Variants in CD2AP observed in about 807,000 individuals in gnomAD.
CD2AP encodes the protein CD2 associated protein.
In CD2AP, 46 loss-of-function variants were observed where a neutral mutation model predicts 85.1. The observed-to-expected ratio is 0.54, with a 90% confidence interval of 0.43 to 0.69. The LOEUF is 0.69. CD2AP is among the 30% of genes least tolerant of loss of function. CD2AP has a pLI of 0.00. For missense variants in CD2AP, 769 were observed against 729.5 expected, an observed-to-expected ratio of 1.05 and a Z score of -0.62; for synonymous variants, 255 against 252.9, an observed-to-expected ratio of 1.01 and a Z score of -0.08.
chr6:47,539,683 A>G (rs1767154467), intron 3 of CD2AP, among the ~76,000 whole-genome samples: 1 of 152,030 alleles, frequency 6.6e-6, no homozygotes, highest in Non-Finnish European at 1.5e-5. Context: ...AGTGAGTGTT[A>G]ATGCTTTGTT....
chr6:47,478,358 A>G, intron 1 of CD2AP, 110 bp downstream of exon 1: 1 of 1,254,072 alleles, frequency 8.0e-7, no homozygotes, highest in East Asian at 2.5e-5. Context: ...CCTGAGCGGC[A>G]GCACCCCACC....
In CD2AP at chr6:47,478,315, C is replaced by T; in HGVS notation, c.4+67C>T. On this transcript the variant is annotated intron_variant, in intron 1 of 17. Coordinates refer to ENST00000359314, the MANE Select transcript of CD2AP (RefSeq NM_012120.3). Reference sequence around the variant, plus strand: ...CAGACCCGGGGAGGCTGTGCCCTTTCTCGGCCTTCTGGGGAGGCGACTGCG... The same window carrying T: ...CAGACCCGGGGAGGCTGTGCCCTTTTTCGGCCTTCTGGGGAGGCGACTGCG... The T allele has an allele frequency of 3.9e-6, 6 of 1,548,294 alleles. No individual in the cohort carries two copies. The South Asian group carries it at 5.9e-5, about 15-fold the overall frequency.
chr6:47,574,049 A>C lies in CD2AP; in HGVS notation c.542-15A>C. 1 of 1,612,926 alleles carries C rather than the reference A, an allele frequency of 6.2e-7. No individual in the cohort carries two copies. Among genetic ancestry groups the C allele is most frequent in the Non-Finnish European group, 8.5e-7 (1 of 1,178,944 alleles). On this transcript the variant is annotated splice_polypyrimidine_tract_variant and intron_variant, in intron 5 of 17. Coordinates refer to ENST00000359314, the MANE Select transcript of CD2AP (RefSeq NM_012120.3). Reference sequence around the variant, plus strand: ...ATTCTAGGTGTCATTCTTCAAAAACAAATTATTGTTTCAGAAACTGTTTTG... The same window carrying C: ...ATTCTAGGTGTCATTCTTCAAAAACCAATTATTGTTTCAGAAACTGTTTTG...
intron 3 of CD2AP, among the ~76,000 whole-genome samples, chr6:47,542,344 A>G (rs1767237191): frequency 6.6e-6 from 1 of 152,242 alleles, no homozygotes; most frequent in Non-Finnish European, 1.5e-5. Context: ...ATGATGCCAT[A>G]TAGTTAGACC....
intron 4 of CD2AP, among the ~76,000 whole-genome samples, chr6:47,550,575 C>A (rs929278639): frequency 6.6e-6 from 1 of 151,960 alleles, no homozygotes; most frequent in Non-Finnish European, 1.5e-5. Flanking sequence ...GGGAACAGTT[C>A]TATACTTCTG....
intron 3 of CD2AP, among the ~76,000 whole-genome samples, chr6:47,536,738 CAGAGA>C (rs1029632142): frequency 6.6e-6 from 1 of 152,126 alleles, no homozygotes; most frequent in Non-Finnish European, 1.5e-5. Context: ...TTGCTAAAGT[CAGAGA>C]AGAGAACAAA....
chr6:47,543,688 T>G (rs1490798018), intron 3 of CD2AP, among the ~76,000 whole-genome samples: 1 of 152,204 alleles, frequency 6.6e-6, no homozygotes, highest in Admixed American at 6.5e-5. Flanking sequence ...TAGTCCTATC[T>G]CATTAGGGTG....
chr6:47,595,825 G>T, intron 11 of CD2AP, 36 bp from the exon 12 acceptor site: 1 of 1,570,510 alleles, frequency 6.4e-7, no homozygotes, highest in South Asian at 1.1e-5. Flanking sequence ...AAATAATTTT[G>T]ATTGTTAATA....
At chr6:47,566,776 C>T (rs1768014664) in intron 5 of CD2AP, among the ~76,000 whole-genome samples, 1 of 152,192 alleles carries the variant, frequency 6.6e-6, no homozygotes, top group East Asian at 1.9e-4. Context: ...CATCCATGTC[C>T]CTGCAGAGGA....
intron 2 of CD2AP, 49 bp downstream of exon 2, chr6:47,503,489 C>T (rs1169567655): frequency 6.9e-7 from 1 of 1,443,676 alleles, no homozygotes; most frequent in East Asian, 2.3e-5. Context: ...AGGATTTAAT[C>T]TTTAAATGTT....
At chr6:47,539,880 G>A (rs908274264) in intron 3 of CD2AP, among the ~76,000 whole-genome samples, 1 of 151,970 alleles carries the variant, frequency 6.6e-6, no homozygotes, top group Non-Finnish European at 1.5e-5. Context: ...GGTTACTTAT[G>A]ATAAGAAAAT....
intron 2 of CD2AP, among the ~76,000 whole-genome samples, chr6:47,507,342 A>T (rs1042912536): frequency 6.6e-6 from 1 of 152,166 alleles, no homozygotes; most frequent in Non-Finnish European, 1.5e-5. Context: ...AGCTCCTCTC[A>T]TGAATCACAG....
At chr6:47,536,679 A>C (rs1767056786) in intron 3 of CD2AP, among the ~76,000 whole-genome samples, 1 of 152,160 alleles carries the variant, frequency 6.6e-6, no homozygotes, top group Non-Finnish European at 1.5e-5. Context: ...AATTTTTTTT[A>C]GAGCAAACAT....
chr6:47,601,098 A>T (rs980074286), intron 13 of CD2AP, among the ~76,000 whole-genome samples: 6 of 151,822 alleles, frequency 4.0e-5, no homozygotes, highest in African/African-American at 1.4e-4. Context: ...AACTTTTCCT[A>T]TATAGTGTCA....
At chr6:47,598,171 A>G (rs966431522) in intron 12 of CD2AP, among the ~76,000 whole-genome samples, 2 of 151,190 alleles carry the variant, frequency 1.3e-5, no homozygotes, top group Non-Finnish European at 3.0e-5. Context: ...ACTAGTTACC[A>G]GGGAATACAA....
At chr6:47,617,983 C>T (rs1769639618) in intron 17 of CD2AP, among the ~76,000 whole-genome samples, 1 of 151,794 alleles carries the variant, frequency 6.6e-6, no homozygotes, top group Admixed American at 6.6e-5. Flanking sequence ...CCTGCTCAAA[C>T]AATTACCTTC....
intron 2 of CD2AP, among the ~76,000 whole-genome samples, chr6:47,511,106 A>G (rs1024282563): frequency 8.9e-6 from 1 of 112,574 alleles, no homozygotes; most frequent in South Asian, 3.2e-4. Context: ...AAAAAGGAAT[A>G]GATGGACAGG....
chr6:47,575,141 A>G lies in CD2AP; in HGVS notation c.729+890A>G, dbSNP rs181930384. Among the ~76,000 whole-genome samples the G allele has an allele frequency of 1.7e-3, 256 of 152,286 alleles. 1 individual carries two copies. The highest frequency in any genetic ancestry group is 3.4e-3 in the Middle Eastern group (1 of 294). On this transcript the variant is annotated intron_variant, in intron 6 of 17. Coordinates refer to ENST00000359314, the MANE Select transcript of CD2AP (RefSeq NM_012120.3). ...AGAGAACTTCCACTTTCTATCCTAC[A>G]TATTCCTAGCTCTGAGACTATCTGG...
At chr6:47,619,230 C>G (rs192318149) in intron 17 of CD2AP, among the ~76,000 whole-genome samples, 4 of 152,344 alleles carry the variant, frequency 2.6e-5, no homozygotes, top group African/African-American at 9.6e-5. Flanking sequence ...CCCCTTCCCA[C>G]TCTTCAACTC....
Sources: gnomAD v4.1 joint callset for allele counts (sites outside exome capture counted in the v4.1 genomes callset) on GRCh38, gnomAD v4.1.1 for gene constraint, MANE v1.5 for transcripts, NCBI Gene and HGNC (gene_info 2026-07-23, HGNC 2026-07-21) for gene names.